Variants in NRXN3 observed in about 807,000 individuals in gnomAD.
The protein encoded by NRXN3 is neurexin III.
NRXN3 carries 32 observed loss-of-function variants against 137.6 expected under a neutral mutation model. The observed-to-expected ratio is 0.23, with a 90% CI of 0.18 to 0.31. The LOEUF is 0.31. Ranked by LOEUF, NRXN3 falls within the 10% of genes least tolerant of loss-of-function variation. NRXN3 has a pLI of 1.00. For missense variants in NRXN3, 1,574 were observed against 2,062.5 expected, an observed-to-expected ratio of 0.76 and a Z score of 4.59; for synonymous variants, 798 against 784.5, an observed-to-expected ratio of 1.02 and a Z score of -0.29.
At chr14:78,714,407 G>C (rs77214374) in intron 7 of NRXN3, among the ~76,000 whole-genome samples, 3 of 152,166 alleles carry the variant, frequency 2.0e-5, no homozygotes, top group Non-Finnish European at 2.9e-5. Flanking sequence ...ACTTCTTCAC[G>C]GTTATACAGC....
rs145544706 is a variant in NRXN3, at chr14:79,242,147, A to T, written c.3263-225074A>T. ...AGCACCTATTTATCAGATGAGAAAA[A>T]CAAGACTCATAAAAGTCATGTAACG... On this transcript the variant is annotated intron_variant, in intron 15 of 20. Transcript: ENST00000335750. Among the ~76,000 whole-genome samples the T allele has an allele frequency of 1.8e-3, 278 of 152,270 alleles. 1 individual carries two copies. Among genetic ancestry groups the T allele is most frequent in the African/African-American group, 6.4e-3 (266 of 41,564 alleles).
chr14:79,277,616 A>G (rs534937332), intron 15 of NRXN3, among the ~76,000 whole-genome samples: 3 of 152,200 alleles, frequency 2.0e-5, no homozygotes, highest in Non-Finnish European at 4.4e-5. Flanking sequence ...TAAACCCCCA[A>G]CAACCTCGAG....
intron 4 of NRXN3, among the ~76,000 whole-genome samples, chr14:78,445,521 T>G (rs1307586236): frequency 6.6e-6 from 1 of 152,150 alleles, no homozygotes; most frequent in Non-Finnish European, 1.5e-5. Flanking sequence ...GTATGTGCAC[T>G]GGGTGGAGAA....
chr14:79,333,645 A>G (rs529105298), intron 15 of NRXN3, among the ~76,000 whole-genome samples: 5 of 152,130 alleles, frequency 3.3e-5, no homozygotes, highest in Non-Finnish European at 5.9e-5. Context: ...ATGCTCATTC[A>G]TTTCCTTCTT....
chr14:78,588,023 C>A (rs1394697889), intron 4 of NRXN3, among the ~76,000 whole-genome samples: 1 of 151,890 alleles, frequency 6.6e-6, no homozygotes, highest in Non-Finnish European at 1.5e-5. Context: ...ATAATGTACT[C>A]AAAGCAAGAA....
rs377432204 is a variant in NRXN3, at chr14:78,249,828, A to C, written c.709+6026A>C. 3.6e-4 allele frequency among the ~76,000 whole-genome samples: 55 copies of C among 152,150 alleles called. No homozygotes were observed. In the South Asian group the frequency reaches 0.01, roughly 28 times the overall value. On this transcript the variant is annotated intron_variant, in intron 2 of 20. Coordinates refer to ENST00000335750, the MANE Select transcript of NRXN3 (RefSeq NM_001330195.2). Reference sequence around the variant, plus strand: ...GAAACCGAGGAACCGAGAAATTGGGAACTTGAACCCCCCGTTTGGCATAGT... The same window carrying C: ...GAAACCGAGGAACCGAGAAATTGGGCACTTGAACCCCCCGTTTGGCATAGT...
chr14:79,309,065 A>C, intron 15 of NRXN3, among the ~76,000 whole-genome samples: 2 of 80,536 alleles, frequency 2.5e-5, no homozygotes, highest in South Asian at 5.5e-4. Flanking sequence ...ATATCTCCCA[A>C]TGCTATCCCT....
chr14:79,256,687 G>C (rs1292049343), intron 15 of NRXN3, among the ~76,000 whole-genome samples: 1 of 152,222 alleles, frequency 6.6e-6, no homozygotes, highest in African/African-American at 2.4e-5. Flanking sequence ...CTTTTGGACA[G>C]CCTGTTCTGC....
At chr14:79,782,331 CA>C (rs1192062102) in intron 19 of NRXN3, among the ~76,000 whole-genome samples, 1 of 152,052 alleles carries the variant, frequency 6.6e-6, no homozygotes, top group Non-Finnish European at 1.5e-5. Flanking sequence ...AGATGCAAAC[CA>C]AGAGAGGTCA....
chr14:78,650,172 T>C (rs183655931), intron 5 of NRXN3, among the ~76,000 whole-genome samples: 12 of 152,268 alleles, frequency 7.9e-5, no homozygotes, highest in Admixed American at 6.5e-4. Flanking sequence ...TTTTTTTCAC[T>C]TCCATCTTGT....
At chr14:79,365,753 A>AAAAAAAAAAAAAAC (rs2093868475) in intron 15 of NRXN3, among the ~76,000 whole-genome samples, 1 of 149,138 alleles carries the variant, frequency 6.7e-6, no homozygotes, top group Admixed American at 6.7e-5. Flanking sequence ...AAGAAAAAAA[A>AAAAAAAAAAAAAAC]GAAGAGTTTT....
intron 20 of NRXN3, among the ~76,000 whole-genome samples, chr14:79,858,587 G>T (rs774818531): frequency 6.6e-6 from 1 of 152,074 alleles, no homozygotes; most frequent in East Asian, 1.9e-4. Flanking sequence ...CAAATGACTC[G>T]GTGTTTGTGC....
At position 79,186,792 on chromosome 14, in the gene NRXN3, A is replaced by T. The variant is rs1479197102; in HGVS notation, c.3262+198651A>T. Among the ~76,000 whole-genome samples, 3 of 152,112 alleles carry T rather than the reference A, an allele frequency of 2.0e-5. No individual in the cohort carries two copies. In the East Asian group the frequency reaches 5.8e-4, roughly 29 times the overall value. On this transcript the variant is annotated intron_variant, in intron 15 of 20. Coordinates refer to ENST00000335750, the MANE Select transcript of NRXN3 (RefSeq NM_001330195.2). ...TCATGACTCTACAGGGAAATCCATG[A>T]TGTAGATTTTCCTGTATTCAAGCAG... is the stretch of plus-strand genomic sequence containing the variant.
At position 79,593,101 on chromosome 14, in the gene NRXN3, A is replaced by G. The variant is rs1441720060; in HGVS notation, c.3445-70677A>G. The stretch of plus-strand genomic sequence containing the variant: ...ATGCAATGAGATTTATTAGACTGAT[A>G]GTTCATATCTTAGCCCCTTTTCATA... On this transcript the variant is annotated intron_variant, in intron 16 of 20. Transcript: ENST00000335750. 2.0e-5 allele frequency among the ~76,000 whole-genome samples: 3 copies of G among 152,190 alleles called. No homozygotes were observed. In the East Asian group the frequency reaches 5.8e-4, roughly 29 times the overall value.
chr14:79,272,833 T>C (rs2079563640), intron 15 of NRXN3, among the ~76,000 whole-genome samples: 2 of 152,142 alleles, frequency 1.3e-5, no homozygotes, highest in African/African-American at 2.4e-5. Context: ...GAGAATCCCA[T>C]GAGTTGGGTA....
intron 4 of NRXN3, among the ~76,000 whole-genome samples, chr14:78,450,977 G>A (rs1400668287): frequency 6.6e-6 from 1 of 151,980 alleles, no homozygotes; most frequent in Non-Finnish European, 1.5e-5. Flanking sequence ...TGCTCACCTT[G>A]CTACCACTTC....
At chr14:78,451,535 T>C (rs2094550424) in intron 4 of NRXN3, among the ~76,000 whole-genome samples, 1 of 152,244 alleles carries the variant, frequency 6.6e-6, no homozygotes, top group Admixed American at 6.5e-5. Context: ...TAATCCAAAG[T>C]TGTGAAACAT....
At chr14:78,562,749 T>C (rs781681129) in intron 4 of NRXN3, among the ~76,000 whole-genome samples, 1 of 152,170 alleles carries the variant, frequency 6.6e-6, no homozygotes, top group Admixed American at 6.5e-5. Flanking sequence ...AGAAATAACA[T>C]TGTTTTAAGC....
At chr14:79,274,706 TA>T (rs1468508984) in intron 15 of NRXN3, among the ~76,000 whole-genome samples, 2 of 152,252 alleles carry the variant, frequency 1.3e-5, no homozygotes, top group East Asian at 3.9e-4. Context: ...GAAGAGTTCA[TA>T]TTTTTTTAAT....
Sources: gnomAD v4.1 joint callset for allele counts (sites outside exome capture counted in the v4.1 genomes callset) on GRCh38, gnomAD v4.1.1 for gene constraint, MANE v1.5 for transcripts, NCBI Gene and HGNC (gene_info 2026-07-23, HGNC 2026-07-21) for gene names.